The following XXYLT1 variants were observed in gnomAD, a reference collection of about 807,000 sequenced individuals.
XXYLT1 encodes the protein xyloside xylosyltransferase 1.
XXYLT1 carries 20 observed loss-of-function variants against 28.9 expected under a neutral mutation model. The ratio of observed to expected loss-of-function variants is 0.69; its 90% CI spans 0.49 to 1.00. The LOEUF is 1.00. XXYLT1 is among the 50% of genes least tolerant of loss of function. XXYLT1 has a pLI of 0.00. For synonymous variants in XXYLT1, 257 were observed against 253.8 expected, an observed-to-expected ratio of 1.01 and a Z score of -0.12; for missense variants, 542 against 560.1, an observed-to-expected ratio of 0.97 and a Z score of 0.33.
chr3:195,263,673 T>G (rs752206), intron 1 of XXYLT1, among the ~76,000 whole-genome samples: 107,971 of 151,928 alleles, frequency 0.71, 39,079 homozygotes, highest in Middle Eastern at 0.84. Context: ...CGGGTATTGT[T>G]ATGGTGAGAG....
rs185878513 is a variant in XXYLT1 at position 195,144,197 on chromosome 3, C to T, written c.785+12252G>A. ...GCATGAGCCACCGTGCCTGGCCAAC[C>T]GCCCACTCCACTCCATCTCGAGTGT... is the stretch of plus-strand genomic sequence containing the variant. On this transcript the variant is annotated intron_variant, in intron 3 of 3. Coordinates refer to ENST00000310380, the MANE Select transcript of XXYLT1 (RefSeq NM_152531.5). 3.5e-3 allele frequency among the ~76,000 whole-genome samples: 524 copies of T among 150,218 alleles called. 6 individuals are homozygous for T. Among genetic ancestry groups the T allele is most frequent in the African/African-American group, 0.012 (508 of 41,310 alleles).
chr3:195,175,604 G>A (rs1267252256), intron 2 of XXYLT1: 12 of 1,535,976 alleles, frequency 7.8e-6, no homozygotes, highest in Non-Finnish European at 8.7e-6. Context: ...GATGGACACG[G>A]TAGTAACAGA....
intron 2 of XXYLT1, among the ~76,000 whole-genome samples, chr3:195,174,492 C>T (rs1227695116): frequency 1.3e-5 from 2 of 152,136 alleles, no homozygotes; most frequent in African/African-American, 4.8e-5. Flanking sequence ...GTGCACACCA[C>T]TACACCCGGT....
intron 3 of XXYLT1, among the ~76,000 whole-genome samples, chr3:195,079,263 C>T (rs987472638): frequency 1.3e-5 from 2 of 152,160 alleles, no homozygotes; most frequent in East Asian, 1.9e-4. Flanking sequence ...CCCTGGGGAG[C>T]GTATGAACAG....
At chr3:195,258,473 T>C (rs560113490) in intron 1 of XXYLT1, among the ~76,000 whole-genome samples, 5 of 152,254 alleles carry the variant, frequency 3.3e-5, no homozygotes, top group South Asian at 4.1e-4. Context: ...AATTGTATAA[T>C]TGTGCACCAT....
At chr3:195,080,137 T>C (rs751384066) in intron 3 of XXYLT1, among the ~76,000 whole-genome samples, 13 of 151,970 alleles carry the variant, frequency 8.6e-5, no homozygotes, top group Non-Finnish European at 1.3e-4. Context: ...GCCCAGTCAC[T>C]AGAGGGAAGT....
chr3:195,097,881 C>A (rs1471753717), intron 3 of XXYLT1, among the ~76,000 whole-genome samples: 1 of 150,032 alleles, frequency 6.7e-6, no homozygotes. Flanking sequence ...AACCAAATGT[C>A]TGGACAAAGA....
intron 1 of XXYLT1, among the ~76,000 whole-genome samples, chr3:195,242,119 G>A (rs753780365): frequency 6.6e-6 from 1 of 152,164 alleles, no homozygotes; most frequent in Non-Finnish European, 1.5e-5. Flanking sequence ...AAATAAAGGG[G>A]CAGAGAGGAG....
chr3:195,092,234 C>A (rs1716157617), intron 3 of XXYLT1, among the ~76,000 whole-genome samples: 1 of 141,216 alleles, frequency 7.1e-6, no homozygotes, highest in Admixed American at 7.1e-5. Flanking sequence ...AATCCTAAGC[C>A]AAAAGAACAA....
chr3:195,244,184 C>T (rs573988937), intron 1 of XXYLT1, among the ~76,000 whole-genome samples: 1 of 152,288 alleles, frequency 6.6e-6, no homozygotes, highest in African/African-American at 2.4e-5. Flanking sequence ...TCATCCAAAA[C>T]CTTGATATGA....
At chr3:195,167,447 C>T (rs750743482) in intron 2 of XXYLT1, among the ~76,000 whole-genome samples, 2 of 151,972 alleles carry the variant, frequency 1.3e-5, no homozygotes, top group African/African-American at 2.4e-5. Context: ...AAAAATTAGC[C>T]GGGAGTGGTG....
At chr3:195,073,321 T>G (rs111426104) in intron 3 of XXYLT1, among the ~76,000 whole-genome samples, 63 of 152,290 alleles carry the variant, frequency 4.1e-4, no homozygotes, top group African/African-American at 1.4e-3. Context: ...GGGCAGTGAG[T>G]GTCCCAGACC....
At chr3:195,156,801 C>G (rs761768386) in intron 2 of XXYLT1, among the ~76,000 whole-genome samples, 1 of 152,228 alleles carries the variant, frequency 6.6e-6, no homozygotes, top group East Asian at 1.9e-4. Context: ...TTTCTTCCAA[C>G]TGCAGACATC....
intron 2 of XXYLT1, among the ~76,000 whole-genome samples, chr3:195,201,293 G>C (rs967733614): frequency 6.6e-6 from 1 of 152,164 alleles, no homozygotes; most frequent in Non-Finnish European, 1.5e-5. Context: ...ATGTGAGGAA[G>C]GGCCCTTGCT....
At chr3:195,143,790 A>C (rs1427008489) in intron 3 of XXYLT1, among the ~76,000 whole-genome samples, 2 of 121,432 alleles carry the variant, frequency 1.6e-5, no homozygotes, top group African/African-American at 6.4e-5. Flanking sequence ...CTCATTATAT[A>C]TATATATATA....
intron 3 of XXYLT1, among the ~76,000 whole-genome samples, chr3:195,155,525 G>A (rs990749313): frequency 6.9e-6 from 1 of 144,434 alleles, no homozygotes; most frequent in Non-Finnish European, 1.5e-5. Flanking sequence ...CGCTTCAGCT[G>A]TTCCTTTCCT....
chr3:195,159,656 C>T (rs1009516965), intron 2 of XXYLT1, among the ~76,000 whole-genome samples: 2 of 152,296 alleles, frequency 1.3e-5, no homozygotes, highest in South Asian at 2.1e-4. Flanking sequence ...ATTGCCGTCA[C>T]GGCCCTGGCA....
intron 2 of XXYLT1, among the ~76,000 whole-genome samples, chr3:195,206,996 G>GA (rs56782944): frequency 1.8e-4 from 27 of 150,058 alleles, no homozygotes; most frequent in African/African-American, 4.2e-4. Flanking sequence ...GGTGGAGGGG[G>GA]AAAAAAAAAG....
intron 2 of XXYLT1, among the ~76,000 whole-genome samples, chr3:195,188,394 C>G (rs1400193304): frequency 1.3e-5 from 2 of 152,192 alleles, no homozygotes; most frequent in African/African-American, 4.8e-5. Flanking sequence ...GCCATGGCAA[C>G]AACCTGACAA....
Sources: gnomAD v4.1 joint callset for allele counts (sites outside exome capture counted in the v4.1 genomes callset) on GRCh38, gnomAD v4.1.1 for gene constraint, MANE v1.5 for transcripts, NCBI Gene and HGNC (gene_info 2026-07-23, HGNC 2026-07-21) for gene names.